ARID4B: variants seen among roughly 807,000 people sequenced by gnomAD.
The protein encoded by ARID4B is AT-rich interaction domain 4B, also known as AT-rich interactive domain-containing protein 4B.
Under a neutral mutation model 147.5 loss-of-function variants are expected in ARID4B, and 26 were observed. That is an observed-to-expected ratio of 0.18 (90% CI 0.13 to 0.24). The LOEUF (loss-of-function observed/expected upper bound fraction) is 0.24, where lower values mean the gene tolerates loss of function less well. Among genes scored for constraint, ARID4B ranks in the 10% least tolerant of loss-of-function variants. The pLI is 1.00. For synonymous variants in ARID4B, 512 were observed against 507.9 expected, an observed-to-expected ratio of 1.01 and a Z score of -0.11; for missense variants, 1,179 against 1,511.5, an observed-to-expected ratio of 0.78 and a Z score of 3.65.
chr1:235,306,896 C>A (rs886799973), intron 2 of ARID4B, among the ~76,000 whole-genome samples: 1 of 151,980 alleles, frequency 6.6e-6, no homozygotes, highest in Non-Finnish European at 1.5e-5. Context: ...AGTAAACTTG[C>A]AATTTTCCCC....
intron 12 of ARID4B, 75 bp downstream of exon 12, chr1:235,224,628 A>G: frequency 9.3e-7 from 1 of 1,072,374 alleles, no homozygotes. Flanking sequence ...AGTAAACAAA[A>G]TTCTATTCTT....
In ARID4B at chr1:235,182,355, T is replaced by C; in HGVS notation, c.2564A>G (p.Glu855Gly). 1 of 1,612,480 alleles carries C rather than the reference T, an allele frequency of 6.2e-7. No individual in the cohort carries two copies. The highest frequency in any genetic ancestry group is 1.1e-5 in the South Asian group (1 of 90,414). Reference sequence around the variant, plus strand: ...ATCTGAAGAGCTGTTGCTACTGTTTTCCATGCAAAGTGATTCTTTGTTCTT... The same window carrying C: ...ATCTGAAGAGCTGTTGCTACTGTTTCCCATGCAAAGTGATTCTTTGTTCTT... ...KAKNKESLCM[E>G]NSSNSSSDED... Residue 855 changes from glutamate to glycine, a missense_variant, in exon 20 of 24, where the codon GAA becomes GGA. Glu to Gly is a moderately conservative substitution (Grantham distance 98, BLOSUM62 -2). Transcript: ENST00000264183.
chr1:235,323,463 T>C lies in ARID4B; in HGVS notation c.6+3451A>G, dbSNP rs569440563. On this transcript the variant is annotated intron_variant, in intron 2 of 23. Coordinates refer to ENST00000264183, the MANE Select transcript of ARID4B (RefSeq NM_016374.6). ...ACGTTAATAACATGTACAATATAGA[T>C]ACAGGAAAAAAAAGTTTGAGTTTAA... 3.3e-5 allele frequency among the ~76,000 whole-genome samples: 5 copies of C among 151,856 alleles called. No homozygotes were observed. In the South Asian group the frequency reaches 1.0e-3, roughly 32 times the overall value.
chr1:235,264,079 T>C (rs1670453316), intron 2 of ARID4B, among the ~76,000 whole-genome samples: 1 of 152,168 alleles, frequency 6.6e-6, no homozygotes, highest in Non-Finnish European at 1.5e-5. Context: ...GTTAATTCGT[T>C]AGAAAGAGCA....
chr1:235,172,577 C>T (rs949064693), intron 23 of ARID4B, 41 bp downstream of exon 23: 2 of 1,368,650 alleles, frequency 1.5e-6, no homozygotes, highest in Non-Finnish European at 1.9e-6. Flanking sequence ...AACTCTGTCT[C>T]AAAATAAATA....
chr1:235,295,627 T>G (rs926410384), intron 2 of ARID4B, among the ~76,000 whole-genome samples: 1 of 150,082 alleles, frequency 6.7e-6, no homozygotes, highest in Non-Finnish European at 1.5e-5. Flanking sequence ...CTGGCCAATA[T>G]AGTGAAACCC....
At chr1:235,267,142 G>A (rs1670656349) in intron 2 of ARID4B, among the ~76,000 whole-genome samples, 1 of 152,184 alleles carries the variant, frequency 6.6e-6, no homozygotes, top group Non-Finnish European at 1.5e-5. Flanking sequence ...GCCAGGCATA[G>A]TGGCATGCAC....
chr1:235,183,676 A>G (rs2102929274), intron 19 of ARID4B, among the ~76,000 whole-genome samples: 1 of 152,288 alleles, frequency 6.6e-6, no homozygotes, highest in Middle Eastern at 3.4e-3. Flanking sequence ...AGCTGGGATC[A>G]CAGGAGCAAG....
In ARID4B at chr1:235,240,404, T is replaced by C. The variant is rs371425866; in HGVS notation, c.494A>G (p.Asp165Gly). The change falls in exon 8 of 24, where the codon GAT (aspartate) becomes GGT (glycine). Residue 165 changes from aspartate to glycine, a missense_variant. By Grantham distance (94) the Asp-to-Gly change is moderately conservative. Around this residue, in one of 10 missense-constraint regions of ARID4B, gnomAD observed 159 missense variants for 190.5 expected, o/e 0.83. Transcript: ENST00000264183. The stretch of plus-strand genomic sequence containing the variant: ...TAGTAGCTCATCAATCTGTTTCCTA[T>C]CATCCTCATCTTCATCACTGGAGGA... ...SSSSSDEDED[D>G]RKQIDELLGK... The C allele has an allele frequency of 1.9e-5, 30 of 1,613,418 alleles. No individual in the cohort carries two copies. Among genetic ancestry groups the C allele is most frequent in the Non-Finnish European group, 2.3e-5 (27 of 1,179,636 alleles).
chr1:235,196,088 T>C lies in ARID4B; in HGVS notation c.1869A>G (p.Lys623=), dbSNP rs1665471368. 4 of 1,590,888 alleles carry C rather than the reference T, an allele frequency of 2.5e-6. No individual in the cohort carries two copies. Among genetic ancestry groups the C allele is most frequent in the Non-Finnish European group, 3.4e-6 (4 of 1,165,780 alleles). ...VRYDEWIKAD[K]IVRPADKNVP... ...CATTTTTATCAGCAGGTCTTACTAT[T>C]TTATCTGCTTTAATCCATTCATCGT... is the stretch of plus-strand genomic sequence containing the variant. The change falls in exon 18 of 24, where the codon AAA becomes AAG. Residue 623 remains lysine, a synonymous_variant. Transcript: ENST00000264183.
At chr1:235,303,158 T>C (rs535104478) in intron 2 of ARID4B, among the ~76,000 whole-genome samples, 5 of 151,920 alleles carry the variant, frequency 3.3e-5, no homozygotes, top group African/African-American at 1.2e-4. Context: ...CTCCTGACCT[T>C]GTGATCCGCC....
At chr1:235,187,161 A>C in intron 19 of ARID4B, 1 of 298,346 alleles carries the variant, frequency 3.4e-6, no homozygotes, top group Non-Finnish European at 6.4e-6. Flanking sequence ...AGCTCACCGC[A>C]ACCTCCGCCT....
intron 7 of ARID4B, among the ~76,000 whole-genome samples, chr1:235,243,693 C>T (rs764999105): frequency 5.3e-5 from 8 of 152,112 alleles, no homozygotes; most frequent in Non-Finnish European, 1.2e-4. Flanking sequence ...AAACAAGAGG[C>T]TCAACCTTTG....
chr1:235,238,803 C>G (rs1262591109), intron 8 of ARID4B, among the ~76,000 whole-genome samples: 1 of 151,494 alleles, frequency 6.6e-6, no homozygotes. Flanking sequence ...TGCAGCGAGT[C>G]AGGATCACAC....
At chr1:235,283,613 T>G (rs1353152174) in intron 2 of ARID4B, among the ~76,000 whole-genome samples, 4 of 152,004 alleles carry the variant, frequency 2.6e-5, no homozygotes, top group Admixed American at 2.6e-4. Flanking sequence ...ATTATAAAAT[T>G]ATTAATATTA....
chr1:235,303,135 C>T (rs941723197), intron 2 of ARID4B, among the ~76,000 whole-genome samples: 13 of 151,666 alleles, frequency 8.6e-5, no homozygotes, highest in Admixed American at 3.9e-4. Context: ...GTGTTAGCCA[C>T]GATGGTCTCA....
At chr1:235,304,313 A>G (rs1480231819) in intron 2 of ARID4B, among the ~76,000 whole-genome samples, 2 of 152,092 alleles carry the variant, frequency 1.3e-5, no homozygotes, top group African/African-American at 4.8e-5. Flanking sequence ...ACACCACAGC[A>G]CTCCAGCCTG....
At chr1:235,257,586 A>G (rs187184667) in intron 3 of ARID4B, among the ~76,000 whole-genome samples, 2 of 151,636 alleles carry the variant, frequency 1.3e-5, no homozygotes, top group Non-Finnish European at 2.9e-5. Flanking sequence ...GGTTCAAGTG[A>G]TTCTCCTGCC....
chr1:235,233,517 C>T (rs565584717), intron 9 of ARID4B, among the ~76,000 whole-genome samples: 123 of 152,258 alleles, frequency 8.1e-4, no homozygotes, highest in Non-Finnish European at 1.6e-3. Context: ...AATCTTAAAA[C>T]ATGATGACCT....
Sources: allele counts gnomAD v4.1 joint callset (sites outside exome capture counted in the v4.1 genomes callset), GRCh38; gene constraint gnomAD v4.1.1; regional missense constraint gnomAD v4.1.1; transcripts MANE v1.5; gene names NCBI Gene and HGNC (gene_info 2026-07-23, HGNC 2026-07-21).